The following NKTR variants were observed in gnomAD, a reference collection of about 807,000 sequenced individuals.
The protein encoded by NKTR is NK-tumor recognition protein.
Under a neutral mutation model 156.3 loss-of-function variants are expected in NKTR, and 67 were observed. The observed-to-expected ratio is 0.43, with a 90% CI of 0.35 to 0.53. NKTR has a LOEUF of 0.53. Among genes scored for constraint, NKTR ranks in the 20% least tolerant of loss-of-function variants. The pLI is 0.01. For missense variants in NKTR, 1,604 were observed against 1,730.9 expected (o/e 0.93, Z 1.30); for synonymous variants, 640 against 596.6 (o/e 1.07, Z -1.06).
intron 6 of NKTR, 131 bp from the exon 7 acceptor site, chr3:42,630,415 T>C: frequency 6.6e-7 from 1 of 1,516,264 alleles, no homozygotes; most frequent in East Asian, 2.4e-5. Context: ...ATATATATCA[T>C]GTTTAACTTT....
In NKTR at chr3:42,619,800, G is replaced by A. The variant is rs1361559050; in HGVS notation, c.286+92G>A. ...TTTAATGAGAAGAGGTTTACTTATA[G>A]TTCACTTTTTGCATGAAACTAATGC... On this transcript the variant is annotated intron_variant, in intron 5 of 16. Transcript: ENST00000232978. 3 of 1,548,260 alleles carry A rather than the reference G, an allele frequency of 1.9e-6. No homozygotes were observed. In the African/African-American group the frequency reaches 4.2e-5, roughly 22 times the overall value.
intron 2 of NKTR, among the ~76,000 whole-genome samples, chr3:42,611,354 A>G (rs181123152): frequency 9.9e-4 from 151 of 152,162 alleles, no homozygotes; most frequent in Non-Finnish European, 1.7e-3. Context: ...CCTTTGTTTT[A>G]TATCTTTTAC....
At chr3:42,621,586 A>G in intron 6 of NKTR, 70 bp downstream of exon 6, 13 of 1,480,940 alleles carry the variant, frequency 8.8e-6, no homozygotes, top group Non-Finnish European at 1.2e-5. Context: ...AAGATGGTAT[A>G]GTTAAACCAA....
intron 10 of NKTR, among the ~76,000 whole-genome samples, 199 bp from the exon 11 acceptor site, chr3:42,634,414 A>C (rs1242551456): frequency 6.6e-6 from 1 of 152,246 alleles, no homozygotes; most frequent in Non-Finnish European, 1.5e-5. Flanking sequence ...AAGAGTCCTT[A>C]TTTATAATTA....
chr3:42,621,779 G>A (rs889716890), intron 6 of NKTR, among the ~76,000 whole-genome samples: 1 of 151,600 alleles, frequency 6.6e-6, no homozygotes, highest in Non-Finnish European at 1.5e-5. Flanking sequence ...AAAAGATGAC[G>A]GCATATTTAA....
intron 2 of NKTR, among the ~76,000 whole-genome samples, chr3:42,614,329 G>A (rs949426553): frequency 2.0e-5 from 3 of 151,700 alleles, no homozygotes; most frequent in African/African-American, 7.3e-5. Flanking sequence ...GTCCTTTATT[G>A]TAACTACAGC....
At chr3:42,615,532 C>G (rs1707275066) in intron 2 of NKTR, among the ~76,000 whole-genome samples, 1 of 151,936 alleles carries the variant, frequency 6.6e-6, no homozygotes, top group African/African-American at 2.4e-5. Flanking sequence ...AAACTAAAAA[C>G]ATTTGAAACT....
In NKTR at chr3:42,606,383, A is replaced by AT. The variant is rs577989691; in HGVS notation, c.58+5329dup. On this transcript the variant is annotated intron_variant, in intron 2 of 16. Coordinates refer to ENST00000232978, the MANE Select transcript of NKTR (RefSeq NM_005385.4). Reference sequence around the variant, plus strand: ...TTAAGTATATATAGCACAGTATCTGATTTTTTTTTTAAGTTGCTTTAAGTA... The same window carrying AT: ...TTAAGTATATATAGCACAGTATCTGATTTTTTTTTTTAAGTTGCTTTAAGTA... 5.5e-4 allele frequency among the ~76,000 whole-genome samples: 82 copies of AT among 150,138 alleles called. No individual in the cohort carries two copies. The East Asian group carries it at 0.011, about 21-fold the overall frequency.
intron 6 of NKTR, among the ~76,000 whole-genome samples, chr3:42,626,724 A>G (rs1466987380): frequency 6.6e-6 from 1 of 152,168 alleles, no homozygotes; most frequent in African/African-American, 2.4e-5. Context: ...TTTGATGTGA[A>G]TTAGTTAAAA....
intron 5 of NKTR, chr3:42,620,119 C>T: frequency 6.7e-7 from 1 of 1,498,602 alleles, no homozygotes; most frequent in Non-Finnish European, 8.9e-7. Context: ...TATGGACAGT[C>T]TGGGTCAGGT....
Position 42,637,890 on chromosome 3 carries a change from G to A in NKTR, c.2186G>A (p.Arg729Gln), listed in dbSNP as rs138443555. The A allele has an allele frequency of 2.3e-4, 371 of 1,614,000 alleles. 1 individual carries two copies. Among genetic ancestry groups the A allele is most frequent in the African/African-American group, 4.3e-4 (32 of 75,044 alleles). Reference sequence around the variant, plus strand: ...TCTCCATCATCTAGATCTCATTCACGAAATAAATACAGTGATCATTCACAG... The same window carrying A: ...TCTCCATCATCTAGATCTCATTCACAAAATAAATACAGTGATCATTCACAG... ...SRSPSSRSHS[R>Q]NKYSDHSQCS... The change falls in exon 13 of 17, where the codon CGA (arginine) becomes CAA (glutamine). Residue 729 changes from arginine (R) to glutamine (Q), a missense_variant. This residue lies in a region of NKTR where 1,255 missense variants were observed against 1,243.7 expected (regional missense o/e 1.01). Coordinates refer to ENST00000232978, the MANE Select transcript of NKTR (RefSeq NM_005385.4).
At chr3:42,619,304 C>T (rs910282331) in intron 4 of NKTR, 177 bp downstream of exon 4, 101 of 1,383,946 alleles carry the variant, frequency 7.3e-5, no homozygotes, top group Non-Finnish European at 8.5e-5. Context: ...CAAAGTACCA[C>T]GTAAGACATT....
At chr3:42,608,085 G>A (rs1356652961) in intron 2 of NKTR, among the ~76,000 whole-genome samples, 1 of 142,184 alleles carries the variant, frequency 7.0e-6, no homozygotes, top group Admixed American at 7.5e-5. Flanking sequence ...CGCCTCCCGG[G>A]TTCAAGAGAT....
At chr3:42,608,881 T>C (rs369469243) in intron 2 of NKTR, among the ~76,000 whole-genome samples, 2 of 152,144 alleles carry the variant, frequency 1.3e-5, no homozygotes, top group East Asian at 1.9e-4. Flanking sequence ...ATCCCAGCAC[T>C]TTGGGAGGCC....
intron 2 of NKTR, among the ~76,000 whole-genome samples, chr3:42,617,201 C>T (rs182139868): frequency 1.3e-5 from 2 of 152,272 alleles, no homozygotes; most frequent in Admixed American, 1.3e-4. Flanking sequence ...GATGTACTCT[C>T]ATCACTGGAA....
rs755254998 is a variant in NKTR, at chr3:42,638,599, C to T, written c.2895C>T (p.Ser965=). ...TSTSDSEGSC[S]NSENNRGKPQ... ...CTTCTGACTCTGAGGGGTCCTGTTC[C>T]AATTCGGAAAACAATAGGGGAAAGC... Residue 965 remains serine (S), a synonymous_variant, in exon 13 of 17, where the codon TCC becomes TCT. Coordinates refer to ENST00000232978, the MANE Select transcript of NKTR (RefSeq NM_005385.4). 1.2e-6 allele frequency: 2 copies of T among 1,613,682 alleles called. No homozygotes were observed. The highest frequency in any genetic ancestry group is 2.7e-5 in the African/African-American group (2 of 74,824).
At position 42,604,659 on chromosome 3, in the gene NKTR, C is replaced by CT. The variant is rs71072726; in HGVS notation, c.58+3634dup. 7.7e-3 allele frequency among the ~76,000 whole-genome samples: 348 copies of CT among 45,284 alleles called. 81 individuals carry two copies. The highest frequency in any genetic ancestry group is 0.011 in the Non-Finnish European group (272 of 25,122). 29.7% of individuals were successfully genotyped at this position (45,284 alleles called of 152,430 possible). A position where few individuals can be genotyped will look rare whatever the true frequency, so the allele number is the denominator to read the frequency against. On this transcript the variant is annotated intron_variant, in intron 2 of 16. Transcript: ENST00000232978. Reference sequence around the variant, plus strand: ...AATTGTGGATTTATCTATTTCTCTCCTTTTTTTTTTTTTTTTTTTTTTTTT... The same window carrying CT: ...AATTGTGGATTTATCTATTTCTCTCCTTTTTTTTTTTTTTTTTTTTTTTTTT...
At position 42,635,321 on chromosome 3, in the gene NKTR, G is replaced by C. The variant is rs1392926382; in HGVS notation, c.1118G>C (p.Arg373Thr). Reference sequence around the variant, plus strand: ...TGGAAAGAGGAAATGCAGAGATTAAGAGCATATAGACCACCTAGTGGAGAA... The same window carrying C: ...TGGAAAGAGGAAATGCAGAGATTAACAGCATATAGACCACCTAGTGGAGAA... Reference protein sequence around the residue: ...PHWKEEMQRLRAYRPPSGEKW... With the variant: ...PHWKEEMQRLTAYRPPSGEKW... The change falls in exon 12 of 17, where the codon AGA becomes ACA. Residue 373 changes from arginine to threonine, a missense_variant. Around this residue, in one of 6 missense-constraint regions of NKTR, gnomAD observed 1,255 missense variants for 1,243.7 expected, o/e 1.01. Coordinates refer to ENST00000232978, the MANE Select transcript of NKTR (RefSeq NM_005385.4). 6.2e-7 allele frequency: 1 copy of C among 1,613,406 alleles called. No individual in the cohort carries two copies. Among genetic ancestry groups the C allele is most frequent in the Non-Finnish European group, 8.5e-7 (1 of 1,179,664 alleles).
At chr3:42,601,485 T>A (rs565199412) in intron 2 of NKTR, 2 of 154,290 alleles carry the variant, frequency 1.3e-5, no homozygotes, top group Admixed American at 6.5e-5. Context: ...CACTAATATG[T>A]TAATTTTGCC....
Sources: allele counts gnomAD v4.1 joint callset (sites outside exome capture counted in the v4.1 genomes callset), GRCh38; gene constraint gnomAD v4.1.1; regional missense constraint gnomAD v4.1.1; transcripts MANE v1.5; gene names NCBI Gene and HGNC (gene_info 2026-07-23, HGNC 2026-07-21).